Variants in NEAT1 observed in about 807,000 individuals in gnomAD.
NEAT1 encodes MENepsilon/beta.
At chr11:65,429,102 C>T (rs1856589796) in exon 1 of NEAT1, 1 of 152,066 alleles carries the variant, frequency 6.6e-6, no homozygotes, top group Non-Finnish European at 1.5e-5. Flanking sequence ...TTTCAATGGG[C>T]ATACAGGGTA....
exon 1 of NEAT1, chr11:65,432,616 T>A (rs1856622441): frequency 1.3e-5 from 2 of 152,058 alleles, no homozygotes; most frequent in South Asian, 4.1e-4. Context: ...TCTTGGTTTT[T>A]TCGTTCCAGG....
At chr11:65,430,346 A>T (rs1425658611) in exon 1 of NEAT1, 4 of 152,210 alleles carry the variant, frequency 2.6e-5, no homozygotes, top group Admixed American at 6.6e-5. Flanking sequence ...ATCAGCATGT[A>T]TATTCTGGTC....
At chr11:65,435,095 T>G (rs925855575) in exon 1 of NEAT1, 8 of 152,252 alleles carry the variant, frequency 5.3e-5, no homozygotes, top group Admixed American at 5.2e-4. Flanking sequence ...CCTCTGCTTA[T>G]GCCTGCATTG....
exon 1 of NEAT1, chr11:65,436,564 A>C (rs1352557569): frequency 6.6e-6 from 1 of 152,242 alleles, no homozygotes; most frequent in Admixed American, 6.5e-5. Flanking sequence ...CAGTTGCTGC[A>C]GTTTCTTTCC....
exon 1 of NEAT1, chr11:65,438,104 A>G (rs1590674872): frequency 1.3e-5 from 2 of 151,954 alleles, no homozygotes; most frequent in African/African-American, 2.4e-5. Context: ...CCTGTGCCCA[A>G]CCCCTCAACA....
At chr11:65,440,088 C>G (rs1856700069) in exon 1 of NEAT1, 1 of 152,170 alleles carries the variant, frequency 6.6e-6, no homozygotes, top group South Asian at 2.1e-4. Flanking sequence ...GATACCCTAT[C>G]TCTTAAAAAA....
exon 1 of NEAT1, chr11:65,440,172 G>A (rs1036764176): frequency 1.3e-5 from 2 of 151,934 alleles, no homozygotes; most frequent in Non-Finnish European, 2.9e-5. Flanking sequence ...CTTTTGAGAT[G>A]AGTATCAGGT....
chr11:65,432,954 A>C (rs529912514), exon 1 of NEAT1: 1 of 150,704 alleles, frequency 6.6e-6, no homozygotes, highest in Non-Finnish European at 1.5e-5. Flanking sequence ...TTGGTTTTCC[A>C]TTCCTGAGTT....
exon 1 of NEAT1, chr11:65,425,030 A>G (rs1342049445): frequency 6.6e-6 from 1 of 151,970 alleles, no homozygotes; most frequent in African/African-American, 2.4e-5. Context: ...TGGGGGTGGT[A>G]GGAAATGCAG....
At chr11:65,438,480 C>T (rs1358938916) in exon 1 of NEAT1, 1 of 152,100 alleles carries the variant, frequency 6.6e-6, no homozygotes, top group African/African-American at 2.4e-5. Flanking sequence ...ATTTCTAGAA[C>T]TTTTTCGTCA....
chr11:65,431,930 A>G (rs1856616997), exon 1 of NEAT1: 1 of 152,120 alleles, frequency 6.6e-6, no homozygotes. Context: ...GAAATAGTCT[A>G]ATTTATCTGT....
chr11:65,437,250 T>G (rs1032806946), exon 1 of NEAT1: 2 of 147,154 alleles, frequency 1.4e-5, no homozygotes, highest in African/African-American at 5.0e-5. Context: ...CATATATATA[T>G]ACTAATTTTC....
chr11:65,437,213 A>ATATATATATATATG (rs1856667699), exon 1 of NEAT1: 1 of 130,952 alleles, frequency 7.6e-6, no homozygotes, highest in Non-Finnish European at 1.6e-5. Context: ...ATATATATGT[A>ATATATATATATATG]TATATATATA....
exon 1 of NEAT1, chr11:65,431,912 T>C (rs1487542930): frequency 6.6e-6 from 1 of 152,222 alleles, no homozygotes; most frequent in Non-Finnish European, 1.5e-5. Context: ...ATAGAAGTTT[T>C]TAGTTTTGAA....
exon 1 of NEAT1, chr11:65,426,537 T>A (rs572414507): frequency 6.6e-6 from 1 of 152,364 alleles, no homozygotes; most frequent in South Asian, 2.1e-4. Context: ...TTAGAATTGT[T>A]GTATTGCTAT....
exon 1 of NEAT1, chr11:65,438,235 G>T (rs1856682480): frequency 6.6e-6 from 1 of 152,156 alleles, no homozygotes; most frequent in Non-Finnish European, 1.5e-5. Context: ...AGGGGTAATT[G>T]TCCTACTGGT....
chr11:65,434,821 A>G (rs1433547464), exon 1 of NEAT1: 1 of 152,168 alleles, frequency 6.6e-6, no homozygotes, highest in East Asian at 1.9e-4. Flanking sequence ...CGCTCCATAT[A>G]TGAAACTTAA....
exon 1 of NEAT1, chr11:65,439,063 T>G (rs960945708): frequency 2.0e-5 from 3 of 152,228 alleles, no homozygotes; most frequent in African/African-American, 7.2e-5. Context: ...TCTGACTTTC[T>G]GGTTATAATC....
exon 1 of NEAT1, chr11:65,438,199 C>T (rs1856682201): frequency 6.6e-6 from 1 of 152,174 alleles, no homozygotes; most frequent in African/African-American, 2.4e-5. Flanking sequence ...CATAAGCCCC[C>T]TGGCAGCCTT....
Sources: gnomAD v4.1 joint callset for allele counts on GRCh38, gnomAD v4.1.1 for gene constraint, MANE v1.5 for transcripts, NCBI Gene and HGNC (gene_info 2026-07-23, HGNC 2026-07-21) for gene names.